CASP9: variants seen among roughly 807,000 people sequenced by gnomAD.
CASP9 encodes caspase 9.
In CASP9, 29 loss-of-function variants were observed where a neutral mutation model predicts 43.5. The ratio of observed to expected loss-of-function variants is 0.67; its 90% CI spans 0.50 to 0.91. The LOEUF (loss-of-function observed/expected upper bound fraction) is 0.91. CASP9 is among the 40% of genes least tolerant of loss of function. The pLI, the probability that CASP9 is intolerant of heterozygous loss-of-function variation, is 0.00. For missense variants in CASP9, 575 were observed against 537.4 expected, an observed-to-expected ratio of 1.07 and a Z score of -0.69; for synonymous variants, 206 against 211.9, an observed-to-expected ratio of 0.97 and a Z score of 0.24.
chr1:15,518,186 C>A lies in CASP9; in HGVS notation c.342G>T (p.Glu114Asp), dbSNP rs2020897. ...GTCTGAGAACCTCTGGTTTGCGAAT[C>A]TCTGGTCTGAGCACCACTGGGGTAA... ...ENLTPVVLRPEIRKPEVLRPE... is the reference protein window; with the variant it reads ...ENLTPVVLRPDIRKPEVLRPE... Residue 114 changes from glutamate (E) to aspartate (D), a missense_variant, in exon 2 of 9, where the codon GAG becomes GAT. Physicochemically the swap from Glu to Asp is conservative, Grantham distance 45 (BLOSUM62 2). Transcript: ENST00000333868. 8 of 1,614,102 alleles carry A rather than the reference C, an allele frequency of 5.0e-6. No individual in the cohort carries two copies. Among genetic ancestry groups the A allele is most frequent in the African/African-American group, 4.0e-5 (3 of 74,934 alleles).
rs577217877 is a variant in CASP9 at position 15,491,671 on chromosome 1, T to A, written c.*1272A>T. On this transcript the variant is annotated 3_prime_UTR_variant, in exon 9 of 9. Coordinates refer to ENST00000333868, the MANE Select transcript of CASP9 (RefSeq NM_001229.5). ...TACTCAGGTGGCTGAGGTGGAAGGATCTCTTGAGCCCAGGAGGTCGAGACT... is the reference window on the plus strand; with the variant it reads ...TACTCAGGTGGCTGAGGTGGAAGGAACTCTTGAGCCCAGGAGGTCGAGACT... 8 of 212,592 alleles carry A rather than the reference T, an allele frequency of 3.8e-5. No individual in the cohort carries two copies. The highest frequency in any genetic ancestry group is 1.6e-4 in the Admixed American group (3 of 19,122). 13.2% of individuals were successfully genotyped at this position (212,592 alleles called of 1,614,324 possible).
chr1:15,493,187 C>T (rs1708957531), intron 8 of CASP9, 152 bp from the exon 9 acceptor site: 2 of 1,446,314 alleles, frequency 1.4e-6, no homozygotes, highest in Non-Finnish European at 1.8e-6. Context: ...AAAGAATACG[C>T]ACCTCAACTT....
At chr1:15,509,588 T>A (rs1203426006) in intron 2 of CASP9, among the ~76,000 whole-genome samples, 1 of 146,736 alleles carries the variant, frequency 6.8e-6, no homozygotes. Flanking sequence ...TGAGTCGAGA[T>A]CACGTCATTG....
At chr1:15,501,581 G>A (rs1709331310) in intron 6 of CASP9, among the ~76,000 whole-genome samples, 1 of 152,272 alleles carries the variant, frequency 6.6e-6, no homozygotes, top group Non-Finnish European at 1.5e-5. Context: ...CTCAGCTGAC[G>A]TGGCGCCACC....
intron 1 of CASP9, among the ~76,000 whole-genome samples, chr1:15,523,617 TAGAG>T (rs1710303151): frequency 2.0e-5 from 3 of 152,066 alleles, no homozygotes; most frequent in Admixed American, 1.3e-4. Flanking sequence ...ATGCTTATGT[TAGAG>T]AGAAATAAAA....
chr1:15,491,691 G>A lies in CASP9; in HGVS notation c.*1252C>T, dbSNP rs143935614. 2.6e-4 allele frequency: 52 copies of A among 202,918 alleles called. No individual in the cohort carries two copies. Among genetic ancestry groups the A allele is most frequent in the African/African-American group, 1.0e-3 (45 of 43,204 alleles). 12.6% of individuals were successfully genotyped at this position (202,918 alleles called of 1,614,324 possible). On this transcript the variant is annotated 3_prime_UTR_variant, in exon 9 of 9. Coordinates refer to ENST00000333868, the MANE Select transcript of CASP9 (RefSeq NM_001229.5). ...AAGGATCTCTTGAGCCCAGGAGGTC[G>A]AGACTGCAATAAGCCAAGATTGCGT... is the stretch of plus-strand genomic sequence containing the variant.
Position 15,518,391 on chromosome 1 carries a change from GC to G in CASP9, c.136del (p.Ala46GlnfsTer13). On this transcript the variant is annotated frameshift_variant, in exon 2 of 9. Coordinates refer to ENST00000333868, the MANE Select transcript of CASP9 (RefSeq NM_001229.5). LOFTEE classifies it high-confidence loss of function. ...CTGATCCCGCCGAGATCCAGAGCCT[GC>G]CCGCTGTTTGGAAAGAAAGGCAGGA... ...RPHMIEDIQR[A>X]GSGSRRDQAR... is the part of the protein sequence containing the mutation. 1 of 1,608,526 alleles carries G rather than the reference GC, an allele frequency of 6.2e-7. No individual in the cohort carries two copies. Among genetic ancestry groups the G allele is most frequent in the Non-Finnish European group, 8.5e-7 (1 of 1,176,218 alleles).
chr1:15,522,065 G>A (rs1710224333), intron 1 of CASP9, among the ~76,000 whole-genome samples: 1 of 152,064 alleles, frequency 6.6e-6, no homozygotes, highest in African/African-American at 2.4e-5. Flanking sequence ...CACTCCAGGA[G>A]GTCAACACTG....
intron 1 of CASP9, among the ~76,000 whole-genome samples, chr1:15,519,469 A>G (rs955220432): frequency 2.0e-5 from 3 of 152,226 alleles, no homozygotes; most frequent in African/African-American, 7.2e-5. Flanking sequence ...GGCGTGAGCT[A>G]CCATGCCCGG....
At chr1:15,515,834 C>T (rs4233534) in intron 2 of CASP9, among the ~76,000 whole-genome samples, 46,960 of 151,750 alleles carry the variant, frequency 0.31, 7,653 homozygotes, top group East Asian at 0.58. Flanking sequence ...GGTGGGCAGA[C>T]TACTGGAGCA....
At chr1:15,521,156 C>CAA (rs34870949) in intron 1 of CASP9, among the ~76,000 whole-genome samples, 9 of 81,202 alleles carry the variant, frequency 1.1e-4, no homozygotes, top group African/African-American at 1.5e-4. Flanking sequence ...GACTCCGTCT[C>CAA]AAAAAAAAAA....
intron 3 of CASP9, among the ~76,000 whole-genome samples, chr1:15,507,607 G>A (rs1237479468): frequency 4.6e-5 from 7 of 152,242 alleles, no homozygotes; most frequent in African/African-American, 1.7e-4. Context: ...ATGAGAGAGT[G>A]GCGACTTGGT....
Position 15,524,055 on chromosome 1 carries a change from G to T in CASP9, c.132+14C>A. The T allele has an allele frequency of 1.4e-6, 2 of 1,444,656 alleles. No individual in the cohort carries two copies. Among genetic ancestry groups the T allele is most frequent in the Non-Finnish European group, 9.1e-7 (1 of 1,104,762 alleles). The allele number at this position is 1,444,656 out of a possible 1,614,324, so 89.5% of individuals were successfully genotyped here. ...CCGGCCGTGCAGCGCGGGGACAGGG[G>T]GCCGGGGGCGCACCTGGATGTCCTC... On this transcript the variant is annotated intron_variant, in intron 1 of 8. Transcript: ENST00000333868.
At chr1:15,504,881 G>C in intron 5 of CASP9, 123 bp from the exon 6 acceptor site, 1 of 909,816 alleles carries the variant, frequency 1.1e-6, no homozygotes, top group Non-Finnish European at 1.7e-6. Context: ...GAGGCTGATT[G>C]AGACAGAGCA....
At chr1:15,517,836 C>T (rs1022940056) in intron 2 of CASP9, among the ~76,000 whole-genome samples, 1 of 151,686 alleles carries the variant, frequency 6.6e-6, no homozygotes, top group African/African-American at 2.4e-5. Context: ...TTGATCAAAA[C>T]CTGGGGCCTG....
intron 2 of CASP9, among the ~76,000 whole-genome samples, chr1:15,509,881 A>G (rs1325233605): frequency 6.6e-6 from 1 of 152,230 alleles, no homozygotes; most frequent in Non-Finnish European, 1.5e-5. Context: ...AAGAGTTTTC[A>G]TTTCCGTTAG....
rs369520255 is a variant in CASP9 at position 15,504,672 on chromosome 1, C to T, written c.807G>A (p.Gly269=). ...TCCCTCCCAGGCTGGGGCAGCTGGT[C>T]CCATTGAAGATGTTCACAATCTTCT... ...SVEKIVNIFN[G]TSCPSLGGKP... The change falls in exon 6 of 9, where the codon GGG becomes GGA. Residue 269 remains glycine, a synonymous_variant. Coordinates refer to ENST00000333868, the MANE Select transcript of CASP9 (RefSeq NM_001229.5). 253 of 1,614,058 alleles carry T rather than the reference C, an allele frequency of 1.6e-4. No homozygotes were observed. Among genetic ancestry groups the T allele is most frequent in the Non-Finnish European group, 1.9e-4 (226 of 1,180,022 alleles).
chr1:15,514,909 G>A (rs892107038), intron 2 of CASP9, among the ~76,000 whole-genome samples: 1 of 152,112 alleles, frequency 6.6e-6, no homozygotes, highest in African/African-American at 2.4e-5. Context: ...GGAGGCTGAG[G>A]TGAGAGAATT....
intron 2 of CASP9, among the ~76,000 whole-genome samples, chr1:15,513,322 C>T (rs1709835660): frequency 6.6e-6 from 1 of 152,192 alleles, no homozygotes; most frequent in South Asian, 2.1e-4. Context: ...TACACACACC[C>T]CCTATTGGTT....
Sources: allele counts gnomAD v4.1 joint callset (sites outside exome capture counted in the v4.1 genomes callset), GRCh38; gene constraint gnomAD v4.1.1; transcripts MANE v1.5; gene names NCBI Gene and HGNC (gene_info 2026-07-23, HGNC 2026-07-21).